Variants in STK32B observed in about 807,000 individuals in gnomAD.
STK32B encodes the protein serine/threonine kinase 32B.
Under a neutral mutation model 52.6 loss-of-function variants are expected in STK32B, and 43 were observed. The observed-to-expected ratio is 0.82, with a 90% confidence interval of 0.64 to 1.05. The LOEUF is 1.05. Ranked by LOEUF, STK32B falls within the 50% of genes least tolerant of loss-of-function variation. STK32B has a pLI of 0.00. For synonymous variants in STK32B, 238 were observed against 204.3 expected, an observed-to-expected ratio of 1.17 and a Z score of -1.41; for missense variants, 621 against 534.6, an observed-to-expected ratio of 1.16 and a Z score of -1.59.
At chr4:5,052,241 G>T in intron 1 of STK32B, among the ~76,000 whole-genome samples, 1 of 152,106 alleles carries the variant, frequency 6.6e-6, no homozygotes, top group East Asian at 1.9e-4. Context: ...GATGGTTCTA[G>T]GCTCGGGCTC....
At chr4:5,437,164 C>T (rs1353382729) in intron 6 of STK32B, among the ~76,000 whole-genome samples, 1 of 152,246 alleles carries the variant, frequency 6.6e-6, no homozygotes, top group East Asian at 1.9e-4. Context: ...GTGCTAATCC[C>T]AGCTCTGCTG....
At chr4:5,201,772 T>G (rs1290926904) in intron 3 of STK32B, among the ~76,000 whole-genome samples, 1 of 152,074 alleles carries the variant, frequency 6.6e-6, no homozygotes, top group Non-Finnish European at 1.5e-5. Context: ...CCATCAGATC[T>G]CCTAAGAACT....
chr4:5,042,165 A>G, the STK32B span, among the ~76,000 whole-genome samples: 1 of 152,214 alleles, frequency 6.6e-6, no homozygotes, highest in East Asian at 1.9e-4. Context: ...AAAGAATCCC[A>G]GTTCATATTT....
chr4:5,267,701 G>C (rs960811642), intron 3 of STK32B, among the ~76,000 whole-genome samples: 1 of 152,178 alleles, frequency 6.6e-6, no homozygotes, highest in Non-Finnish European at 1.5e-5. Flanking sequence ...CACAGCCAAA[G>C]AGTAGAGAGA....
intron 3 of STK32B, among the ~76,000 whole-genome samples, chr4:5,252,056 C>T (rs763483742): frequency 4.6e-5 from 7 of 152,246 alleles, no homozygotes; most frequent in Middle Eastern, 3.4e-3. Context: ...GATCCCCCAA[C>T]GAGTCTTTGA....
At position 5,471,801 on chromosome 4, in the gene STK32B, C is replaced by T. The variant is rs574426808; in HGVS notation, c.1106+3731C>T. On this transcript the variant is annotated intron_variant, in intron 11 of 11. Transcript: ENST00000282908. ...GGTTCTGAGTTGAGTCATAAGGACC[C>T]GTCTAAAGCTGCAAACCCTCCCAGC... is the stretch of plus-strand genomic sequence containing the variant. 4.6e-5 allele frequency among the ~76,000 whole-genome samples: 7 copies of T among 152,262 alleles called. No homozygotes were observed. In the East Asian group the frequency reaches 1.2e-3, roughly 25 times the overall value.
At chr4:5,412,969 C>T (rs139233553) in intron 5 of STK32B, among the ~76,000 whole-genome samples, 27 of 152,268 alleles carry the variant, frequency 1.8e-4, no homozygotes, top group African/African-American at 6.3e-4. Context: ...GAGCTCCTTT[C>T]CTACTCCTTC....
chr4:5,345,378 C>T (rs914716126), intron 4 of STK32B: 4 of 150,076 alleles, frequency 2.7e-5, no homozygotes, highest in South Asian at 2.1e-4. Context: ...TTAAATTCCT[C>T]GTTCCTGTTC....
intron 3 of STK32B, among the ~76,000 whole-genome samples, chr4:5,286,588 A>G (rs1442387333): frequency 3.9e-5 from 6 of 152,166 alleles, no homozygotes; most frequent in African/African-American, 1.4e-4. Context: ...TTCCCTTAAC[A>G]TAATACCTGT....
chr4:5,436,915 A>C (rs756144430), intron 6 of STK32B, among the ~76,000 whole-genome samples: 1 of 152,192 alleles, frequency 6.6e-6, no homozygotes, highest in Non-Finnish European at 1.5e-5. Flanking sequence ...AGATGCTGTG[A>C]GCTGTTTCCA....
At chr4:5,333,119 A>G (rs1368891530) in intron 4 of STK32B, among the ~76,000 whole-genome samples, 7 of 151,944 alleles carry the variant, frequency 4.6e-5, no homozygotes, top group Admixed American at 6.6e-5. Context: ...CCAACAGTGT[A>G]AAAGTGTTCC....
At chr4:5,297,530 T>A (rs2108891478) in intron 3 of STK32B, among the ~76,000 whole-genome samples, 1 of 152,228 alleles carries the variant, frequency 6.6e-6, no homozygotes, top group Non-Finnish European at 1.5e-5. Flanking sequence ...AAGTTGATCT[T>A]CAATCTCTGA....
chr4:5,064,451 A>ATACTTATATACATATAATATATAAATATG (rs1742337028), intron 1 of STK32B, among the ~76,000 whole-genome samples: 1 of 79,814 alleles, frequency 1.3e-5, no homozygotes, highest in African/African-American at 3.8e-5. Context: ...ATATAAATAT[A>ATACTTATATACATATAATATATAAATATG]TACTTATATA....
intron 3 of STK32B, among the ~76,000 whole-genome samples, chr4:5,231,798 C>G (rs145733902): frequency 4.3e-4 from 65 of 152,164 alleles, no homozygotes; most frequent in Middle Eastern, 3.4e-3. Context: ...AAACCTGACT[C>G]TGAAGAGTTG....
the STK32B span, among the ~76,000 whole-genome samples, chr4:5,023,036 T>C: frequency 1.3e-5 from 2 of 151,978 alleles, no homozygotes; most frequent in African/African-American, 2.4e-5. Flanking sequence ...TGTGTGTTTG[T>C]GTGTGTCTCT....
the STK32B span, among the ~76,000 whole-genome samples, chr4:5,022,725 C>T: frequency 6.6e-6 from 1 of 152,210 alleles, no homozygotes. Context: ...CGGCCATTGC[C>T]TTTGGATGGG....
At chr4:5,446,899 C>T in intron 7 of STK32B, 123 bp downstream of exon 7, 1 of 883,694 alleles carries the variant, frequency 1.1e-6, no homozygotes, top group South Asian at 1.5e-5. Context: ...GTCACTGCCC[C>T]CCAGGTTTCA....
intron 11 of STK32B, among the ~76,000 whole-genome samples, chr4:5,491,217 A>G (rs957647742): frequency 3.9e-4 from 60 of 152,276 alleles, no homozygotes; most frequent in African/African-American, 1.3e-3. Flanking sequence ...CTATTTCTCC[A>G]CATCCTCTCC....
chr4:5,228,391 G>A (rs185347208), intron 3 of STK32B, among the ~76,000 whole-genome samples: 6 of 152,242 alleles, frequency 3.9e-5, no homozygotes, highest in Non-Finnish European at 4.4e-5. Context: ...GACTTTTCAC[G>A]CAACAGGGAC....
Sources: allele counts gnomAD v4.1 joint callset (sites outside exome capture counted in the v4.1 genomes callset), GRCh38; gene constraint gnomAD v4.1.1; transcripts MANE v1.5; gene names NCBI Gene and HGNC (gene_info 2026-07-23, HGNC 2026-07-21).